FBXW8: variants seen among roughly 807,000 people sequenced by gnomAD.
FBXW8 encodes F-box and WD repeat domain containing 8.
In FBXW8, 57 loss-of-function variants were observed where a neutral mutation model predicts 65.3. The ratio of observed to expected loss-of-function variants is 0.87; its 90% CI spans 0.71 to 1.09. The LOEUF (loss-of-function observed/expected upper bound fraction) is 1.09. Among genes scored for constraint, FBXW8 ranks in the 50% least tolerant of loss-of-function variants. The pLI, the probability that FBXW8 is intolerant of heterozygous loss-of-function variation, is 0.00. For missense variants in FBXW8, 777 were observed against 814.8 expected (o/e 0.95, Z 0.57); for synonymous variants, 308 against 330.2 (o/e 0.93, Z 0.73).
At chr12:116,947,750 A>AAAAAAAAAAG (rs1555218999) in intron 3 of FBXW8, among the ~76,000 whole-genome samples, 53 of 137,602 alleles carry the variant, frequency 3.9e-4, no homozygotes, top group Non-Finnish European at 7.1e-4. Context: ...AAAAAAAAAA[A>AAAAAAAAAAG]AAAAGAAAAG....
At chr12:116,960,984 T>C (rs1883952507) in intron 4 of FBXW8, among the ~76,000 whole-genome samples, 2 of 152,114 alleles carry the variant, frequency 1.3e-5, no homozygotes, top group African/African-American at 4.8e-5. Context: ...TGGCTGTATA[T>C]TGAAAACATT....
intron 8 of FBXW8, 80 bp downstream of exon 8, chr12:117,010,530 C>A: frequency 6.3e-7 from 1 of 1,589,486 alleles, no homozygotes; most frequent in Non-Finnish European, 8.6e-7. Context: ...GCTCACACTG[C>A]CCGGTTCTCA....
intron 5 of FBXW8, among the ~76,000 whole-genome samples, chr12:116,981,477 C>T (rs984774774): frequency 6.6e-5 from 10 of 151,800 alleles, no homozygotes; most frequent in African/African-American, 2.2e-4. Flanking sequence ...CCTGCTTATG[C>T]AAAAGTAATA....
chr12:116,925,435 C>T (rs1421593614), intron 1 of FBXW8, among the ~76,000 whole-genome samples: 1 of 152,206 alleles, frequency 6.6e-6, no homozygotes, highest in Non-Finnish European at 1.5e-5. Context: ...CAGAATTACT[C>T]TAAGTGTGCG....
At chr12:116,990,707 G>A (rs1173525879) in intron 7 of FBXW8, among the ~76,000 whole-genome samples, 3 of 152,192 alleles carry the variant, frequency 2.0e-5, no homozygotes, top group African/African-American at 7.2e-5. Context: ...TACTTAAAGG[G>A]ACAGTTCAGC....
intron 5 of FBXW8, among the ~76,000 whole-genome samples, chr12:116,977,244 GAATT>G (rs753043427): frequency 6.6e-6 from 1 of 152,072 alleles, no homozygotes; most frequent in Non-Finnish European, 1.5e-5. Context: ...CCTTGAAAGG[GAATT>G]AATTGATAGT....
chr12:117,008,922 C>T (rs1953740321), intron 7 of FBXW8, among the ~76,000 whole-genome samples: 1 of 152,074 alleles, frequency 6.6e-6, no homozygotes, highest in Non-Finnish European at 1.5e-5. Flanking sequence ...CCAAAATTAG[C>T]CAGGTGTGGT....
chr12:117,027,481 G>A lies in FBXW8; in HGVS notation c.1629G>A (p.Leu543=). The A allele has an allele frequency of 6.2e-7, 1 of 1,614,122 alleles. No homozygotes were observed. Among genetic ancestry groups the A allele is most frequent in the Non-Finnish European group, 8.5e-7 (1 of 1,179,992 alleles). ...AGACGGTAATGCGAAACGCCGACCT[G>A]GACAGCTTCACTACTCACAGGAGGT... is the stretch of plus-strand genomic sequence containing the variant. ...PYQTVMRNAD[L]DSFTTHRRHR... Residue 543 remains leucine (L), a synonymous_variant, in exon 10 of 11, where the codon CTG becomes CTA. Coordinates refer to ENST00000652555, the MANE Select transcript of FBXW8 (RefSeq NM_153348.3).
intron 10 of FBXW8, 65 bp downstream of exon 10, chr12:117,027,569 C>T (rs374462591): frequency 8.0e-5 from 101 of 1,255,340 alleles, no homozygotes; most frequent in Non-Finnish European, 2.4e-5. Context: ...AACCCCACCC[C>T]CCCCGCCGTG....
intron 7 of FBXW8, among the ~76,000 whole-genome samples, chr12:117,005,942 G>A (rs1953663525): frequency 6.6e-6 from 1 of 152,208 alleles, no homozygotes; most frequent in Non-Finnish European, 1.5e-5. Context: ...ACTCAGCCCA[G>A]CACAGCACCT....
chr12:116,980,569 T>C (rs947979340), intron 5 of FBXW8: 2 of 152,192 alleles, frequency 1.3e-5, no homozygotes, highest in African/African-American at 2.4e-5. Flanking sequence ...ATCCATTTCA[T>C]TGCTAGGTCC....
intron 7 of FBXW8, among the ~76,000 whole-genome samples, chr12:116,992,761 G>GGTGTGTGTGTGTGTGT (rs59119067): frequency 3.1e-4 from 44 of 143,646 alleles, no homozygotes; most frequent in Admixed American, 5.6e-4. Context: ...ATTATTCCAT[G>GGTGTGTGTGTGTGTGT]GTGTGTGTGT....
intron 6 of FBXW8, chr12:116,987,016 A>G (rs1286535572): frequency 6.6e-6 from 1 of 152,238 alleles, no homozygotes; most frequent in Non-Finnish European, 1.5e-5. Context: ...TTCCCACAAA[A>G]TGCTCTGAGT....
chr12:116,925,367 G>A (rs984064190), intron 1 of FBXW8, among the ~76,000 whole-genome samples: 4 of 152,162 alleles, frequency 2.6e-5, no homozygotes, highest in Non-Finnish European at 5.9e-5. Flanking sequence ...GACCGGAAGC[G>A]GGATCTGAGT....
intron 1 of FBXW8, among the ~76,000 whole-genome samples, chr12:116,920,269 C>T (rs1176177129): frequency 6.6e-6 from 1 of 152,222 alleles, no homozygotes; most frequent in Admixed American, 6.5e-5. Context: ...TATACTAGAA[C>T]AACTTGTGAC....
chr12:117,018,123 G>T (rs1954003210), intron 8 of FBXW8, among the ~76,000 whole-genome samples: 1 of 152,180 alleles, frequency 6.6e-6, no homozygotes, highest in African/African-American at 2.4e-5. Context: ...TCCTCTGTTG[G>T]AGTCTTTGGA....
intron 1 of FBXW8, among the ~76,000 whole-genome samples, chr12:116,919,398 C>T (rs1450477582): frequency 6.6e-6 from 1 of 152,154 alleles, no homozygotes; most frequent in African/African-American, 2.4e-5. Context: ...TTTCCCCTGC[C>T]TTAGCTGTCA....
chr12:116,971,050 G>A (rs1314817392), intron 5 of FBXW8, among the ~76,000 whole-genome samples: 4 of 151,970 alleles, frequency 2.6e-5, no homozygotes, highest in Non-Finnish European at 4.4e-5. Context: ...TTTAACACTA[G>A]GAATGCTCAC....
chr12:116,931,791 C>T (rs1881789650), intron 2 of FBXW8, among the ~76,000 whole-genome samples: 1 of 151,962 alleles, frequency 6.6e-6, no homozygotes, highest in African/African-American at 2.4e-5. Context: ...TTTATATTGT[C>T]TGTAAACAGG....
Sources: allele counts gnomAD v4.1 joint callset (sites outside exome capture counted in the v4.1 genomes callset), GRCh38; gene constraint gnomAD v4.1.1; transcripts MANE v1.5; gene names NCBI Gene and HGNC (gene_info 2026-07-23, HGNC 2026-07-21).